Variants in CADM2 observed in about 807,000 individuals in gnomAD.
CADM2 encodes immunoglobulin superfamily member 4D.
In CADM2, 12 loss-of-function variants were observed where a neutral mutation model predicts 49.8. That is an observed-to-expected ratio of 0.24 (90% CI 0.15 to 0.39). CADM2 has a LOEUF of 0.39. CADM2 is among the 10% of genes least tolerant of loss of function. The pLI is 1.00. For missense variants in CADM2, 378 were observed against 492.3 expected, an observed-to-expected ratio of 0.77 and a Z score of 2.20; for synonymous variants, 214 against 175.4, an observed-to-expected ratio of 1.22 and a Z score of -1.74.
At chr3:85,869,345 T>C (rs2075833722) in intron 3 of CADM2, among the ~76,000 whole-genome samples, 1 of 152,132 alleles carries the variant, frequency 6.6e-6, no homozygotes, top group Non-Finnish European at 1.5e-5. Flanking sequence ...GTAGTCAGCT[T>C]CGTTCCATTC....
chr3:85,532,705 C>G (rs2061342195), intron 1 of CADM2, among the ~76,000 whole-genome samples: 1 of 152,130 alleles, frequency 6.6e-6, no homozygotes, highest in South Asian at 2.1e-4. Flanking sequence ...AAGATAAATG[C>G]ATGCATATGT....
At chr3:84,970,044 C>CTTTTTTTTTTT (rs33980527) in intron 1 of CADM2, among the ~76,000 whole-genome samples, 1 of 103,564 alleles carries the variant, frequency 9.7e-6, no homozygotes, top group Non-Finnish European at 1.9e-5. Flanking sequence ...GACTGACCTG[C>CTTTTTTTTTTT]TTTTTTTTTT....
chr3:85,315,123 C>A (rs1196735571), intron 1 of CADM2, among the ~76,000 whole-genome samples: 1 of 152,138 alleles, frequency 6.6e-6, no homozygotes, highest in African/African-American at 2.4e-5. Flanking sequence ...TCACTCCAAT[C>A]TTTGTTTCCC....
intron 1 of CADM2, among the ~76,000 whole-genome samples, chr3:85,531,066 A>T (rs17022938): frequency 0.31 from 46,430 of 151,962 alleles, 8,124 homozygotes; most frequent in East Asian, 0.55. Context: ...GTTTACCTTC[A>T]GTTTCCATTC....
In CADM2 at chr3:85,859,224, C is replaced by CTTTTTTTTTTT. The variant is rs397990427; in HGVS notation, c.239-24051_239-24041dup. On this transcript the variant is annotated intron_variant, in intron 3 of 9. Coordinates refer to ENST00000383699, the MANE Select transcript of CADM2 (RefSeq NM_001167675.2). The stretch of plus-strand genomic sequence containing the variant: ...TACCTTGTGCTTTTCTTTTTTTTGT[C>CTTTTTTTTTTT]TTTTTTTTTTTTTTTTTTTTTTTTT... 9.5e-4 allele frequency among the ~76,000 whole-genome samples: 67 copies of CTTTTTTTTTTT among 70,606 alleles called. 1 individual carries two copies. Among genetic ancestry groups the CTTTTTTTTTTT allele is most frequent in the Non-Finnish European group, 1.2e-3 (49 of 40,030 alleles). The allele number at this position is 70,606 out of a possible 152,430, so 46.3% of individuals were successfully genotyped here. A position where few individuals can be genotyped will look rare whatever the true frequency, so the allele number is the denominator to read the frequency against.
At chr3:85,856,913 T>C (rs1577487753) in intron 3 of CADM2, among the ~76,000 whole-genome samples, 1 of 152,214 alleles carries the variant, frequency 6.6e-6, no homozygotes, top group Non-Finnish European at 1.5e-5. Flanking sequence ...AGATAAACCA[T>C]GCAAAACATT....
At chr3:85,115,563 A>T (rs751204521) in intron 1 of CADM2, among the ~76,000 whole-genome samples, 1 of 152,238 alleles carries the variant, frequency 6.6e-6, no homozygotes, top group Non-Finnish European at 1.5e-5. Flanking sequence ...TCAAGACCCA[A>T]GATAAGCACT....
intron 6 of CADM2, among the ~76,000 whole-genome samples, chr3:85,932,215 A>C (rs183283678): frequency 5.2e-4 from 79 of 152,226 alleles, no homozygotes; most frequent in African/African-American, 1.8e-3. Flanking sequence ...CAAAGAAACG[A>C]GGTATCGGGT....
chr3:85,010,401 G>A (rs577392524), intron 1 of CADM2, among the ~76,000 whole-genome samples: 10 of 152,206 alleles, frequency 6.6e-5, no homozygotes, highest in Non-Finnish European at 1.0e-4. Context: ...ATTTTATTGC[G>A]CACAGATGCT....
chr3:85,549,161 A>C (rs2061737170), intron 1 of CADM2, among the ~76,000 whole-genome samples: 1 of 152,192 alleles, frequency 6.6e-6, no homozygotes, highest in Non-Finnish European at 1.5e-5. Context: ...TTTGTTAATA[A>C]TATGCTCACA....
At chr3:85,437,005 C>T (rs2036962460) in intron 1 of CADM2, among the ~76,000 whole-genome samples, 1 of 152,078 alleles carries the variant, frequency 6.6e-6, no homozygotes, top group Non-Finnish European at 1.5e-5. Context: ...CTATTCATTC[C>T]TTCCTCTCCT....
At chr3:85,701,664 C>T (rs1178129228) in intron 1 of CADM2, among the ~76,000 whole-genome samples, 2 of 152,162 alleles carry the variant, frequency 1.3e-5, no homozygotes, top group Non-Finnish European at 2.9e-5. Flanking sequence ...ATAGATTCTA[C>T]ATATTTACCA....
At chr3:85,641,844 T>C (rs570005559) in intron 1 of CADM2, among the ~76,000 whole-genome samples, 1 of 151,716 alleles carries the variant, frequency 6.6e-6, no homozygotes, top group Admixed American at 6.6e-5. Flanking sequence ...GGCAGAAGAA[T>C]GGCGTGAACC....
intron 1 of CADM2, among the ~76,000 whole-genome samples, chr3:85,605,129 A>G (rs2063510505): frequency 6.6e-6 from 1 of 152,062 alleles, no homozygotes; most frequent in South Asian, 2.1e-4. Context: ...TTGTACTCAT[A>G]AAGTGCTTCT....
chr3:85,387,776 G>A (rs932531970), intron 1 of CADM2, among the ~76,000 whole-genome samples: 2 of 151,734 alleles, frequency 1.3e-5, no homozygotes, highest in African/African-American at 4.8e-5. Context: ...TTTTCAATAC[G>A]ATTACATTTC....
At chr3:85,226,006 T>G (rs554458274) in intron 1 of CADM2, among the ~76,000 whole-genome samples, 4 of 152,252 alleles carry the variant, frequency 2.6e-5, no homozygotes, top group Non-Finnish European at 4.4e-5. Flanking sequence ...AGTTTGCCAG[T>G]ATTTTACTGA....
chr3:85,855,617 A>ATATATATATATATATATATATAT (rs374763892), intron 3 of CADM2, among the ~76,000 whole-genome samples: 9 of 42,568 alleles, frequency 2.1e-4, no homozygotes, highest in South Asian at 7.5e-4. Flanking sequence ...ATATATATAT[A>ATATATATATATATATATATATAT]AAACATATAT....
chr3:85,734,690 AAT>A (rs892170945), intron 2 of CADM2, among the ~76,000 whole-genome samples: 27 of 147,608 alleles, frequency 1.8e-4, no homozygotes, highest in Non-Finnish European at 2.4e-4. Flanking sequence ...TTTTAAATAT[AAT>A]ATATATATTT....
intron 1 of CADM2, among the ~76,000 whole-genome samples, chr3:85,351,427 T>A (rs2031339084): frequency 6.6e-6 from 1 of 152,202 alleles, no homozygotes; most frequent in Non-Finnish European, 1.5e-5. Context: ...GAATGTTAAA[T>A]GGGAGTAAGT....
Sources: gnomAD v4.1 joint callset for allele counts (sites outside exome capture counted in the v4.1 genomes callset) on GRCh38, gnomAD v4.1.1 for gene constraint, MANE v1.5 for transcripts, NCBI Gene and HGNC (gene_info 2026-07-23, HGNC 2026-07-21) for gene names.